LAMB4: variants seen among roughly 807,000 people sequenced by gnomAD.
LAMB4 encodes the protein laminin subunit beta-4.
Under a neutral mutation model 199.2 loss-of-function variants are expected in LAMB4, and 196 were observed. The ratio of observed to expected loss-of-function variants is 0.98; its 90% CI spans 0.88 to 1.11. LAMB4 has a LOEUF of 1.11. Ranked by LOEUF, LAMB4 falls within the 50% of genes least tolerant of loss-of-function variation. LAMB4 has a pLI of 0.00. For synonymous variants in LAMB4, 744 were observed against 770.6 expected (o/e 0.97, Z 0.57); for missense variants, 2,080 against 2,171.2 (o/e 0.96, Z 0.83).
rs746739880 is a variant in LAMB4, at chr7:108,030,854, C to T, written c.4944G>A (p.Ala1648=). 9.3e-6 allele frequency: 15 copies of T among 1,613,948 alleles called. No individual in the cohort carries two copies. The Admixed American group carries it at 2.0e-4, about 22-fold the overall frequency. The change falls in exon 32 of 34, where the codon GCG becomes GCA. Residue 1648 remains alanine, a synonymous_variant. Transcript: ENST00000388781. The part of the protein sequence containing the change: ...LQRHQDHAVN[A]KVQAESAQHQ... Reference sequence around the variant, plus strand: ...GTTGGGCAGATTCAGCCTGAACTTTCGCATTGACAGCGTGGTCTTGATGCC... The same window carrying T: ...GTTGGGCAGATTCAGCCTGAACTTTTGCATTGACAGCGTGGTCTTGATGCC...
At chr7:108,120,028 CAT>C (rs1470252702) in intron 2 of LAMB4, among the ~76,000 whole-genome samples, 3 of 152,160 alleles carry the variant, frequency 2.0e-5, no homozygotes, top group East Asian at 1.9e-4. Context: ...TAAAAATACA[CAT>C]GTGACATGTT....
intron 14 of LAMB4, among the ~76,000 whole-genome samples, chr7:108,088,629 T>C (rs909237974): frequency 2.0e-5 from 3 of 152,192 alleles, no homozygotes; most frequent in Non-Finnish European, 4.4e-5. Context: ...TAAGATGCAG[T>C]TGGGTTTGCT....
At chr7:108,080,832 C>A (rs73424753) in intron 14 of LAMB4, among the ~76,000 whole-genome samples, 4,960 of 150,880 alleles carry the variant, frequency 0.033, 272 homozygotes, top group African/African-American at 0.11. Flanking sequence ...AAAAAAAAAA[C>A]CCCTTGTAAG....
In LAMB4 at chr7:108,096,994, C is replaced by T. The variant is rs76239270; in HGVS notation, c.1360+1409G>A. Among the ~76,000 whole-genome samples the T allele has an allele frequency of 3.4e-3, 508 of 147,664 alleles. 5 individuals are homozygous for T. Among genetic ancestry groups the T allele is most frequent in the South Asian group, 9.3e-3 (42 of 4,530 alleles). The stretch of plus-strand genomic sequence containing the variant: ...AAAATTTAAAGCTGGTATACACCCC[C>T]ACACACCAAAATAATGTTCAGCCTG... On this transcript the variant is annotated intron_variant, in intron 11 of 33. Coordinates refer to ENST00000388781, the MANE Select transcript of LAMB4 (RefSeq NM_007356.3).
At chr7:108,030,748 C>G in intron 32 of LAMB4, 58 bp downstream of exon 32, 2 of 1,539,476 alleles carry the variant, frequency 1.3e-6, no homozygotes, top group East Asian at 2.3e-5. Flanking sequence ...GGTTAAAGAA[C>G]TATCTTTCAA....
intron 10 of LAMB4, among the ~76,000 whole-genome samples, 173 bp from the exon 11 acceptor site, chr7:108,098,755 C>G (rs374173905): frequency 5.9e-5 from 9 of 152,262 alleles, no homozygotes; most frequent in African/African-American, 2.2e-4. Context: ...AGATCTCTAG[C>G]CTTGGAAAAC....
At chr7:108,091,576 C>A in intron 14 of LAMB4, 50 bp downstream of exon 14, 1 of 1,567,806 alleles carries the variant, frequency 6.4e-7, no homozygotes, top group Non-Finnish European at 8.7e-7. Context: ...TGTGTGTTTA[C>A]TGACATATCA....
downstream of LAMB4, among the ~76,000 whole-genome samples, chr7:108,022,582 G>T (rs546316694): frequency 2.6e-5 from 4 of 152,182 alleles, no homozygotes; most frequent in Admixed American, 2.0e-4. Flanking sequence ...TACATATATA[G>T]ATTTTTTTTT....
intron 10 of LAMB4, among the ~76,000 whole-genome samples, chr7:108,102,558 G>A (rs2037850961): frequency 2.0e-5 from 3 of 152,192 alleles, no homozygotes; most frequent in Admixed American, 2.0e-4. Context: ...AAAGCTGATG[G>A]TGGGGTATAA....
chr7:108,126,341 T>C (rs990007204), intron 1 of LAMB4, among the ~76,000 whole-genome samples: 2 of 152,174 alleles, frequency 1.3e-5, no homozygotes, highest in East Asian at 1.9e-4. Context: ...TCTTGCAAAG[T>C]TGAAACTTTG....
At chr7:108,128,199 G>T (rs1436605272) in intron 1 of LAMB4, among the ~76,000 whole-genome samples, 1 of 152,236 alleles carries the variant, frequency 6.6e-6, no homozygotes. Flanking sequence ...CGGTTCTCCA[G>T]TGCAGCCTTA....
At position 108,116,055 on chromosome 7, in the gene LAMB4, A is replaced by G; in HGVS notation, c.141T>C (p.Ser47=). Residue 47 remains serine, a synonymous_variant, in exon 3 of 34, where the codon TCT becomes TCC. Coordinates refer to ENST00000388781, the MANE Select transcript of LAMB4 (RefSeq NM_007356.3). The part of the protein sequence containing the change: ...VGRNTQLMAS[S]TCGLSRAQKY... ...TCTGGGCTCTGCTCAGCCCACAGGT[A>G]GAAGAAGCCATAAGCTGCGTGTTCC... The G allele has an allele frequency of 6.2e-7, 1 of 1,614,116 alleles. No homozygotes were observed. The highest frequency in any genetic ancestry group is 8.5e-7 in the Non-Finnish European group (1 of 1,179,974).
At position 108,098,534 on chromosome 7, in the gene LAMB4, C is replaced by G; in HGVS notation, c.1229G>C (p.Ser410Thr). The change falls in exon 11 of 34, where the codon AGC becomes ACC. Residue 410 changes from serine (S) to threonine (T), a missense_variant. By Grantham distance (58) the Ser-to-Thr change is moderately conservative. Transcript: ENST00000388781. ...DGTISGGICV[S>T]HSDPALGSVA... ...AGACCCTAAGGCAGGATCAGAGTGG[C>G]TCACACAAATGCCACCAGATATGGT... 1 of 1,613,244 alleles carries G rather than the reference C, an allele frequency of 6.2e-7. No homozygotes were observed. Among genetic ancestry groups the G allele is most frequent in the Non-Finnish European group, 8.5e-7 (1 of 1,179,830 alleles).
At chr7:108,026,923 G>C in intron 33 of LAMB4, 1 of 517,328 alleles carries the variant, frequency 1.9e-6, no homozygotes, top group Non-Finnish European at 3.9e-6. Flanking sequence ...AGCCTCAAAA[G>C]GAAAAGAGAA....
chr7:108,083,416 A>G (rs1471291958), intron 14 of LAMB4, among the ~76,000 whole-genome samples: 1 of 152,160 alleles, frequency 6.6e-6, no homozygotes, highest in Non-Finnish European at 1.5e-5. Context: ...CAGCCATTCT[A>G]TGGCCTTGGC....
chr7:108,024,754 C>A (rs1293546371), intron 33 of LAMB4, among the ~76,000 whole-genome samples: 2 of 152,146 alleles, frequency 1.3e-5, no homozygotes, highest in African/African-American at 4.8e-5. Flanking sequence ...TCCGTCCATC[C>A]GTCCATCCAT....
chr7:108,056,590 A>T (rs1464241393), intron 24 of LAMB4, among the ~76,000 whole-genome samples: 1 of 152,198 alleles, frequency 6.6e-6, no homozygotes, highest in Non-Finnish European at 1.5e-5. Context: ...GGATAGGGAG[A>T]TCTATTGATC....
At chr7:108,079,383 A>G (rs947218625) in intron 15 of LAMB4, among the ~76,000 whole-genome samples, 7 of 152,212 alleles carry the variant, frequency 4.6e-5, no homozygotes, top group African/African-American at 1.7e-4. Flanking sequence ...CTGTAACTCC[A>G]GCTGTAGCTT....
intron 14 of LAMB4, among the ~76,000 whole-genome samples, chr7:108,090,327 C>T (rs909561610): frequency 6.6e-6 from 1 of 152,160 alleles, no homozygotes; most frequent in African/African-American, 2.4e-5. Flanking sequence ...CATTATTGCC[C>T]TTTAAACTCT....
Sources: gnomAD v4.1 joint callset for allele counts (sites outside exome capture counted in the v4.1 genomes callset) on GRCh38, gnomAD v4.1.1 for gene constraint, MANE v1.5 for transcripts, NCBI Gene and HGNC (gene_info 2026-07-23, HGNC 2026-07-21) for gene names.